The following FAT3 variants were observed in gnomAD, a reference collection of about 807,000 sequenced individuals.
The protein encoded by FAT3 is protocadherin Fat 3.
FAT3 carries 95 observed loss-of-function variants against 310.2 expected under a neutral mutation model. The ratio of observed to expected loss-of-function variants is 0.31; its 90% CI spans 0.26 to 0.36. The LOEUF is 0.36. Among genes scored for constraint, FAT3 ranks in the 10% least tolerant of loss-of-function variants. The probability of loss-of-function intolerance (pLI) is 1.00; values close to 1 mark genes in which losing one functional copy is unlikely to be tolerated. For missense variants in FAT3, 5,408 were observed against 5,715.6 expected (o/e 0.95, Z 1.74); for synonymous variants, 2,314 against 2,192.9 (o/e 1.06, Z -1.54).
At chr11:92,674,052 G>A (rs946220749) in intron 3 of FAT3, among the ~76,000 whole-genome samples, 1 of 151,850 alleles carries the variant, frequency 6.6e-6, no homozygotes. Context: ...GTGGTGGCAC[G>A]TGCCTGTAAT....
rs141431665 is a variant in FAT3 at position 92,876,690 on chromosome 11, A to G, written c.12128-4041A>G. ...TATAGATTGCTCTCTTGGCTCCTGCATCTGTCTCTTGAAGATAAGATTTTC... is the reference window on the plus strand; with the variant it reads ...TATAGATTGCTCTCTTGGCTCCTGCGTCTGTCTCTTGAAGATAAGATTTTC... On this transcript the variant is annotated intron_variant, in intron 22 of 27. Coordinates refer to ENST00000525166, the MANE Select transcript of FAT3 (RefSeq NM_001367949.2). 1.5e-3 allele frequency among the ~76,000 whole-genome samples: 233 copies of G among 152,378 alleles called. 1 individual carries two copies. Among genetic ancestry groups the G allele is most frequent in the African/African-American group, 5.4e-3 (225 of 41,602 alleles).
At chr11:92,708,608 A>G (rs189317636) in intron 4 of FAT3, among the ~76,000 whole-genome samples, 81 of 152,374 alleles carry the variant, frequency 5.3e-4, no homozygotes, top group African/African-American at 1.8e-3. Context: ...TGATTCCTGA[A>G]GCAGTCATCT....
chr11:92,806,827 T>A (rs1220536307), intron 12 of FAT3, among the ~76,000 whole-genome samples: 2 of 152,082 alleles, frequency 1.3e-5, no homozygotes, highest in Non-Finnish European at 2.9e-5. Context: ...CTGTAGGCAA[T>A]TTTAGAGGAG....
chr11:92,620,929 C>T (rs1941057156), intron 3 of FAT3, among the ~76,000 whole-genome samples: 1 of 152,230 alleles, frequency 6.6e-6, no homozygotes, highest in South Asian at 2.1e-4. Flanking sequence ...TATGTCCTCA[C>T]ATGACAGAGC....
intron 17 of FAT3, among the ~76,000 whole-genome samples, chr11:92,839,136 GAC>G (rs1948475398): frequency 6.6e-6 from 1 of 152,174 alleles, no homozygotes; most frequent in Non-Finnish European, 1.5e-5. Flanking sequence ...TCAGTTTTAT[GAC>G]ACACATCAAT....
chr11:92,496,744 G>A (rs1487764813), intron 2 of FAT3, among the ~76,000 whole-genome samples: 1 of 151,974 alleles, frequency 6.6e-6, no homozygotes, highest in African/African-American at 2.4e-5. Flanking sequence ...CAGCCCCACG[G>A]TGTTAGATTT....
At chr11:92,658,922 T>TATCATCATC (rs71305391) in intron 3 of FAT3, among the ~76,000 whole-genome samples, 35 of 149,820 alleles carry the variant, frequency 2.3e-4, no homozygotes, top group Admixed American at 1.1e-3. Context: ...TCATCGTCAT[T>TATCATCATC]ATCATCATCA....
At chr11:92,340,260 T>A (rs1176233753) in intron 1 of FAT3, among the ~76,000 whole-genome samples, 1 of 152,050 alleles carries the variant, frequency 6.6e-6, no homozygotes, top group Non-Finnish European at 1.5e-5. Flanking sequence ...AGGTTTCAGC[T>A]AAGTGGCTGG....
intron 13 of FAT3, among the ~76,000 whole-genome samples, chr11:92,816,746 C>T (rs1030276025): frequency 2.0e-5 from 3 of 152,066 alleles, no homozygotes; most frequent in African/African-American, 2.4e-5. Flanking sequence ...GAGGCGGAGG[C>T]GGGCAGATCA....
In FAT3 at chr11:92,352,569, G is replaced by T; in HGVS notation, c.457G>T (p.Asp153Tyr). The change falls in exon 2 of 28, where the codon GAT becomes TAT. Residue 153 changes from aspartate to tyrosine, a missense_variant. This residue lies in a region of FAT3 where 5 missense variants were observed against 16.9 expected (regional missense o/e 0.30). Transcript: ENST00000525166. Reference protein sequence around the residue: ...KVNIQVLDMNDLRPLFSPTTY... With the variant: ...KVNIQVLDMNYLRPLFSPTTY... ...GAATATACAGGTTTTAGATATGAAT[G>T]ATCTGAGACCTTTGTTTTCACCCAC... 1 of 1,613,760 alleles carries T rather than the reference G, an allele frequency of 6.2e-7. No individual in the cohort carries two copies. The highest frequency in any genetic ancestry group is 1.1e-5 in the South Asian group (1 of 91,048).
chr11:92,441,859 A>G (rs61901534), intron 2 of FAT3, among the ~76,000 whole-genome samples: 23,266 of 151,594 alleles, frequency 0.15, 2,373 homozygotes, highest in Non-Finnish European at 0.23. Flanking sequence ...AACCTCATCA[A>G]CTTCTTGCAA....
At chr11:92,735,964 T>C (rs1178331149) in intron 4 of FAT3, among the ~76,000 whole-genome samples, 1 of 152,102 alleles carries the variant, frequency 6.6e-6, no homozygotes, top group African/African-American at 2.4e-5. Flanking sequence ...TGAGACATAA[T>C]TTATATTTGC....
intron 4 of FAT3, among the ~76,000 whole-genome samples, chr11:92,733,913 A>G (rs1336983937): frequency 6.6e-6 from 1 of 152,130 alleles, no homozygotes; most frequent in Non-Finnish European, 1.5e-5. Context: ...ATTAATTAGG[A>G]GCTTTAGTCT....
At chr11:92,487,272 T>C (rs950760650) in intron 2 of FAT3, among the ~76,000 whole-genome samples, 1 of 152,160 alleles carries the variant, frequency 6.6e-6, no homozygotes, top group South Asian at 2.1e-4. Flanking sequence ...ACCAAGGAGG[T>C]TGGTAGCTGC....
At position 92,876,348 on chromosome 11, in the gene FAT3, G is replaced by A. The variant is rs1591841659; in HGVS notation, c.12128-4383G>A. Among the ~76,000 whole-genome samples the A allele has an allele frequency of 6.6e-5, 10 of 152,254 alleles. 1 individual carries two copies. In the South Asian group the frequency reaches 2.1e-3, roughly 32 times the overall value. Reference sequence around the variant, plus strand: ...AGAAGCGTTTTTCCCAATCCCAGCTGCCTTCAACAATTTTCAACTCTATTA... The same window carrying A: ...AGAAGCGTTTTTCCCAATCCCAGCTACCTTCAACAATTTTCAACTCTATTA... On this transcript the variant is annotated intron_variant, in intron 22 of 27. Coordinates refer to ENST00000525166, the MANE Select transcript of FAT3 (RefSeq NM_001367949.2).
chr11:92,260,055 C>A lies in FAT3; in HGVS notation c.-18+34881C>A, dbSNP rs375060491. On this transcript the variant is annotated intron_variant, in intron 1 of 27. Coordinates refer to ENST00000525166, the MANE Select transcript of FAT3 (RefSeq NM_001367949.2). ...GAGGCAGGAAAGTGAAGCTGAAGAG[C>A]TTTGTACAGCTGTCATGTAGAATTC... Among the ~76,000 whole-genome samples, 16 of 152,254 alleles carry A rather than the reference C, an allele frequency of 1.1e-4. No individual in the cohort carries two copies. The East Asian group carries it at 1.5e-3, about 15-fold the overall frequency.
intron 3 of FAT3, among the ~76,000 whole-genome samples, chr11:92,561,301 T>A (rs983482404): frequency 6.7e-6 from 1 of 148,706 alleles, no homozygotes; most frequent in Admixed American, 6.8e-5. Flanking sequence ...TTACCCAAAA[T>A]GCTTCCATTA....
At chr11:92,429,207 T>C (rs1950708289) in intron 2 of FAT3, among the ~76,000 whole-genome samples, 1 of 150,978 alleles carries the variant, frequency 6.6e-6, no homozygotes, top group Non-Finnish European at 1.5e-5. Flanking sequence ...CAACCCTTGC[T>C]TTTTTTTTGC....
At chr11:92,305,058 A>G (rs944878806) in intron 1 of FAT3, among the ~76,000 whole-genome samples, 1 of 152,250 alleles carries the variant, frequency 6.6e-6, no homozygotes, top group South Asian at 2.1e-4. Flanking sequence ...ATTATAAGCC[A>G]TAGTTGCTGT....
Sources: allele counts gnomAD v4.1 joint callset (sites outside exome capture counted in the v4.1 genomes callset), GRCh38; gene constraint gnomAD v4.1.1; regional missense constraint gnomAD v4.1.1; transcripts MANE v1.5; gene names NCBI Gene and HGNC (gene_info 2026-07-23, HGNC 2026-07-21).